The following ALPL variants were observed in gnomAD, a reference collection of about 807,000 sequenced individuals.
ALPL encodes the protein alkaline phosphatase, biomineralization associated.
A neutral mutation model predicts 51.3 loss-of-function variants in ALPL; 42 were observed. The observed-to-expected ratio is 0.82, with a 90% CI of 0.64 to 1.06. ALPL has a LOEUF of 1.06. ALPL is among the 50% of genes least tolerant of loss of function. The pLI, the probability that ALPL is intolerant of heterozygous loss-of-function variation, is 0.00. For synonymous variants in ALPL, 279 were observed against 296.4 expected, an observed-to-expected ratio of 0.94 and a Z score of 0.60; for missense variants, 589 against 709.4, an observed-to-expected ratio of 0.83 and a Z score of 1.93.
At position 21,560,683 on chromosome 1, in the gene ALPL, C is replaced by A; in HGVS notation, c.119C>A (p.Ala40Asp). 6.2e-7 allele frequency: 1 copy of A among 1,614,140 alleles called. No homozygotes were observed. The highest frequency in any genetic ancestry group is 1.1e-5 in the South Asian group (1 of 91,076). ...RDQAQETLKY[A>D]LELQKLNTNV... ...CAAGCGCAAGAGACACTGAAATATG[C>A]CCTGGAGCTTCAGAAGCTCAACACC... The change falls in exon 3 of 12, where the codon GCC becomes GAC. Residue 40 changes from alanine (A) to aspartate (D), a missense_variant. Transcript: ENST00000374840.
At chr1:21,556,100 C>G (rs1169838769) in intron 2 of ALPL, among the ~76,000 whole-genome samples, 2 of 152,050 alleles carry the variant, frequency 1.3e-5, no homozygotes, top group Non-Finnish European at 2.9e-5. Context: ...GTTGGAGATT[C>G]ACGCGGAAGT....
intron 11 of ALPL, among the ~76,000 whole-genome samples, chr1:21,577,084 A>C (rs2148193731): frequency 6.6e-6 from 1 of 152,180 alleles, no homozygotes; most frequent in Middle Eastern, 3.4e-3. Flanking sequence ...CAGTGGTTCT[A>C]GGGGGTCTAA....
chr1:21,564,003 C>A lies in ALPL; in HGVS notation c.473-38C>A, dbSNP rs1644526498. On this transcript the variant is annotated intron_variant, in intron 5 of 11. Transcript: ENST00000374840. The surrounding 1 kb of genome is among the most constrained non-coding windows in gnomAD (Gnocchi z 5.8). ...GAGGAGGCCTCTGGGACACCCCGAT[C>A]TGTGGATAAAGCCAAACCCGCCCCT... 1 of 1,610,332 alleles carries A rather than the reference C, an allele frequency of 6.2e-7. No homozygotes were observed. Among genetic ancestry groups the A allele is most frequent in the Non-Finnish European group, 8.5e-7 (1 of 1,179,742 alleles).
chr1:21,561,907 T>C (rs950669785), intron 4 of ALPL, among the ~76,000 whole-genome samples: 2 of 152,222 alleles, frequency 1.3e-5, no homozygotes, highest in East Asian at 3.9e-4. Context: ...CCCCAGGTGA[T>C]CTGCCCACCT....
intron 7 of ALPL, among the ~76,000 whole-genome samples, chr1:21,569,332 G>A (rs1415291333): frequency 6.6e-6 from 1 of 152,216 alleles, no homozygotes; most frequent in Non-Finnish European, 1.5e-5. Context: ...CTCTAAGACG[G>A]GGAGAGAGCG....
At chr1:21,568,046 A>C (rs1644591356) in intron 6 of ALPL, 58 bp from the exon 7 acceptor site, 1 of 1,612,488 alleles carries the variant, frequency 6.2e-7, no homozygotes, top group Non-Finnish European at 8.5e-7. Context: ...AGCCGAGGTC[A>C]CTGGGGCTTC....
intron 2 of ALPL, among the ~76,000 whole-genome samples, chr1:21,556,908 C>A (rs1311725268): frequency 6.6e-6 from 1 of 152,160 alleles, no homozygotes; most frequent in African/African-American, 2.4e-5. Flanking sequence ...CACTGTACTT[C>A]AGCCTGGGCA....
chr1:21,547,375 C>T (rs114373676), intron 1 of ALPL, among the ~76,000 whole-genome samples: 1 of 152,296 alleles, frequency 6.6e-6, no homozygotes, highest in African/African-American at 2.4e-5. Flanking sequence ...GGCGTGGTGG[C>T]TGCTCCCAGG....
chr1:21,511,699 G>A (rs1643690701), intron 1 of ALPL, among the ~76,000 whole-genome samples: 1 of 152,214 alleles, frequency 6.6e-6, no homozygotes, highest in South Asian at 2.1e-4. Flanking sequence ...TCCATGATGA[G>A]ATCAGCCCTG....
rs7554856 is a variant in ALPL at position 21,559,676 on chromosome 1, C to T, written c.62-950C>T. 9.8e-3 allele frequency among the ~76,000 whole-genome samples: 1,498 copies of T among 152,286 alleles called. 28 individuals are homozygous for T. Among genetic ancestry groups the T allele is most frequent in the African/African-American group, 0.034 (1,422 of 41,536 alleles). ...CTGGGACTACAGGTGCACACTGCCA[C>T]GCCCAGCTAATTTTTCATATTTCAG... On this transcript the variant is annotated intron_variant, in intron 2 of 11. Coordinates refer to ENST00000374840, the MANE Select transcript of ALPL (RefSeq NM_000478.6).
chr1:21,546,140 G>A (rs906029346), intron 1 of ALPL, among the ~76,000 whole-genome samples: 2 of 152,056 alleles, frequency 1.3e-5, no homozygotes, highest in Non-Finnish European at 2.9e-5. Flanking sequence ...TTATCAATAG[G>A]GCTAATAATC....
At chr1:21,556,062 C>T (rs932726399) in intron 2 of ALPL, among the ~76,000 whole-genome samples, 8 of 152,180 alleles carry the variant, frequency 5.3e-5, no homozygotes, top group Non-Finnish European at 1.0e-4. Flanking sequence ...CATGAGCCAC[C>T]GCACCCGGCC....
At chr1:21,559,750 G>A (rs1007256509) in intron 2 of ALPL, among the ~76,000 whole-genome samples, 1 of 152,168 alleles carries the variant, frequency 6.6e-6, no homozygotes, top group East Asian at 1.9e-4. Flanking sequence ...GAACTCCTGA[G>A]CTCAGGTGAT....
At chr1:21,572,691 G>T (rs961866082) in intron 8 of ALPL, among the ~76,000 whole-genome samples, 1 of 152,106 alleles carries the variant, frequency 6.6e-6, no homozygotes, top group Non-Finnish European at 1.5e-5. Context: ...AGAGGGGCAG[G>T]GTGTTCTGGA....
intron 1 of ALPL, among the ~76,000 whole-genome samples, chr1:21,516,208 CCTCCACCTGT>C (rs923350416): frequency 6.6e-5 from 10 of 152,226 alleles, no homozygotes; most frequent in South Asian, 2.1e-4. Context: ...ATCTCATCCC[CCTCCACCTGT>C]CTCCACCTGT....
chr1:21,541,465 C>T (rs1644183647), intron 1 of ALPL, among the ~76,000 whole-genome samples: 1 of 152,216 alleles, frequency 6.6e-6, no homozygotes, highest in South Asian at 2.1e-4. Flanking sequence ...TCTTCAGCCA[C>T]CCACCCTCTG....
At chr1:21,526,107 A>G (rs1243149405) in intron 1 of ALPL, among the ~76,000 whole-genome samples, 1 of 152,228 alleles carries the variant, frequency 6.6e-6, no homozygotes. Flanking sequence ...AGCCTTGGGC[A>G]GAATGGCCGC....
chr1:21,540,433 G>C (rs1342516097), intron 1 of ALPL, among the ~76,000 whole-genome samples: 1 of 152,178 alleles, frequency 6.6e-6, no homozygotes, highest in African/African-American at 2.4e-5. Flanking sequence ...TGGCTTCTCT[G>C]AACCCAGACC....
At chr1:21,560,814 AGTTGAAGGGGGCTGT>A in intron 3 of ALPL, 69 bp downstream of exon 3, 1 of 1,595,584 alleles carries the variant, frequency 6.3e-7, no homozygotes. Context: ...AGCCAGGCTG[AGTTGAAGGGGGCTGT>A]GTTGAAGGGG....
Sources: gnomAD v4.1 joint callset for allele counts (sites outside exome capture counted in the v4.1 genomes callset) on GRCh38, gnomAD v4.1.1 for gene constraint, Gnocchi (gnomAD v3.1) non-coding constraint, MANE v1.5 for transcripts, NCBI Gene and HGNC (gene_info 2026-07-23, HGNC 2026-07-21) for gene names.